Variants in PPFIA2 observed in about 807,000 individuals in gnomAD.
The protein encoded by PPFIA2 is PPFI scaffold protein A2.
In PPFIA2, 46 loss-of-function variants were observed where a neutral mutation model predicts 175.5. That is an observed-to-expected ratio of 0.26 (90% confidence interval 0.21 to 0.34). The LOEUF is 0.34. Among genes scored for constraint, PPFIA2 ranks in the 10% least tolerant of loss-of-function variants. PPFIA2 has a pLI of 1.00. For synonymous variants in PPFIA2, 568 were observed against 511.4 expected (o/e 1.11, Z -1.49); for missense variants, 1,179 against 1,506.1 (o/e 0.78, Z 3.60).
At chr12:81,412,335 C>CA (rs35342063) in intron 7 of PPFIA2, among the ~76,000 whole-genome samples, 1,673 of 95,540 alleles carry the variant, frequency 0.018, 20 homozygotes, top group East Asian at 0.02. Flanking sequence ...GTTAAGGAGG[C>CA]AAAAAAAAAA....
intron 4 of PPFIA2, among the ~76,000 whole-genome samples, chr12:81,569,371 A>C (rs2072027369): frequency 6.6e-6 from 1 of 152,178 alleles, no homozygotes. Context: ...CCCTAACAAA[A>C]AGTAATGTGC....
intron 4 of PPFIA2, among the ~76,000 whole-genome samples, chr12:81,665,952 A>T (rs1322094218): frequency 6.6e-6 from 1 of 152,226 alleles, no homozygotes; most frequent in African/African-American, 2.4e-5. Context: ...TGGGCGAAGG[A>T]TATGAACAGA....
intron 16 of PPFIA2, among the ~76,000 whole-genome samples, chr12:81,356,686 T>C (rs953018128): frequency 6.6e-6 from 1 of 151,844 alleles, no homozygotes; most frequent in Non-Finnish European, 1.5e-5. Flanking sequence ...AAAAGAAATA[T>C]TGTGAAAATT....
At chr12:81,301,499 T>A (rs2047829278) in intron 22 of PPFIA2, among the ~76,000 whole-genome samples, 1 of 152,202 alleles carries the variant, frequency 6.6e-6, no homozygotes, top group South Asian at 2.1e-4. Flanking sequence ...AACTTCTGAC[T>A]AGTTCCCTAA....
chr12:81,470,654 G>C (rs1389036326), intron 4 of PPFIA2, among the ~76,000 whole-genome samples: 1 of 152,024 alleles, frequency 6.6e-6, no homozygotes, highest in Non-Finnish European at 1.5e-5. Flanking sequence ...ATATCTAAAA[G>C]GTGGAAACAA....
intron 28 of PPFIA2, among the ~76,000 whole-genome samples, chr12:81,271,038 C>G (rs188346285): frequency 2.6e-5 from 4 of 152,222 alleles, no homozygotes; most frequent in Admixed American, 2.6e-4. Context: ...ACCTCATTTA[C>G]TAATAAGTTT....
At chr12:81,557,434 A>C (rs765921692) in intron 4 of PPFIA2, among the ~76,000 whole-genome samples, 12 of 151,956 alleles carry the variant, frequency 7.9e-5, no homozygotes, top group Admixed American at 2.6e-4. Context: ...TATCCTTTCT[A>C]TAGAGGCATC....
At chr12:81,746,113 A>C (rs1411602982) in intron 3 of PPFIA2, among the ~76,000 whole-genome samples, 1 of 144,536 alleles carries the variant, frequency 6.9e-6, no homozygotes, top group Non-Finnish European at 1.6e-5. Context: ...TCTCCAACAG[A>C]GAGAGAGGGA....
intron 4 of PPFIA2, among the ~76,000 whole-genome samples, chr12:81,558,911 C>T (rs557322295): frequency 1.2e-4 from 19 of 152,130 alleles, no homozygotes; most frequent in African/African-American, 4.8e-5. Flanking sequence ...ATTCAAAAGG[C>T]CAAAATATAG....
Position 81,655,087 on chromosome 12 carries a change from A to C in PPFIA2, c.303+21704T>G, listed in dbSNP as rs192560850. 6.0e-3 allele frequency among the ~76,000 whole-genome samples: 907 copies of C among 152,154 alleles called. 2 individuals carry two copies. The highest frequency in any genetic ancestry group is 9.2e-3 in the Non-Finnish European group (624 of 67,930). On this transcript the variant is annotated intron_variant, in intron 4 of 32. Coordinates refer to ENST00000549396, the MANE Select transcript of PPFIA2 (RefSeq NM_003625.5). ...CCATTTCATCCACAATTTTAGATTC[A>C]TCAGTATAAATTCTGTTGAAAATAT...
At chr12:81,445,470 G>A (rs903447709) in intron 6 of PPFIA2, 86 bp downstream of exon 6, 28 of 1,296,374 alleles carry the variant, frequency 2.2e-5, no homozygotes, top group Middle Eastern at 1.9e-4. Flanking sequence ...GACTTTAGGA[G>A]TCAGGTGAGT....
At chr12:81,716,571 C>T (rs922187119) in intron 3 of PPFIA2, among the ~76,000 whole-genome samples, 2 of 151,424 alleles carry the variant, frequency 1.3e-5, no homozygotes, top group East Asian at 1.9e-4. Flanking sequence ...CACACACACA[C>T]ACACAAGCAC....
chr12:81,274,512 C>T (rs2039996441), intron 28 of PPFIA2, among the ~76,000 whole-genome samples: 1 of 151,780 alleles, frequency 6.6e-6, no homozygotes, highest in South Asian at 2.1e-4. Context: ...GAACAAAATA[C>T]TTCTTTTTTT....
At chr12:81,322,885 A>G (rs575097810) in intron 22 of PPFIA2, among the ~76,000 whole-genome samples, 2 of 152,300 alleles carry the variant, frequency 1.3e-5, no homozygotes, top group South Asian at 4.1e-4. Flanking sequence ...AGAGAAATAT[A>G]AGCAAAACTA....
Position 81,277,408 on chromosome 12 carries a change from A to C in PPFIA2, c.3219T>G (p.Ser1073Arg). ...LKMVDSFHRT[S>R]LQYGIMCLKR... ...TTAAGCACATAATTCCATATTGTAA[A>C]CTTGTTCTTTTTTTTTTATTAAAAA... The change falls in exon 28 of 33, where the codon AGT becomes AGG. Residue 1073 changes from serine (S) to arginine (R), a missense_variant. Transcript: ENST00000549396. The C allele has an allele frequency of 1.3e-6, 2 of 1,500,104 alleles. No individual in the cohort carries two copies. Among genetic ancestry groups the C allele is most frequent in the South Asian group, 1.3e-5 (1 of 74,934 alleles). The allele number at this position is 1,500,104 out of a possible 1,614,324, so 92.9% of individuals were successfully genotyped here.
intron 4 of PPFIA2, among the ~76,000 whole-genome samples, chr12:81,675,904 T>C (rs1394833722): frequency 6.6e-6 from 1 of 152,042 alleles, no homozygotes; most frequent in Non-Finnish European, 1.5e-5. Flanking sequence ...TTAGCCATAC[T>C]TTAGGAGCAA....
chr12:81,562,457 G>C (rs1386144057), intron 4 of PPFIA2, among the ~76,000 whole-genome samples: 3 of 152,046 alleles, frequency 2.0e-5, no homozygotes, highest in Admixed American at 6.6e-5. Context: ...AACACTATTA[G>C]GGGAAAACAT....
intron 7 of PPFIA2, among the ~76,000 whole-genome samples, chr12:81,425,642 G>A (rs2047010487): frequency 6.6e-6 from 1 of 152,142 alleles, no homozygotes; most frequent in African/African-American, 2.4e-5. Flanking sequence ...CCAAAGTGCT[G>A]GGATTACGGG....
intron 3 of PPFIA2, among the ~76,000 whole-genome samples, chr12:81,677,778 A>G (rs2153571442): frequency 6.6e-6 from 1 of 151,984 alleles, no homozygotes; most frequent in Admixed American, 6.6e-5. Context: ...TTGAGTAATG[A>G]CTATAGTTGT....
Sources: gnomAD v4.1 joint callset for allele counts (sites outside exome capture counted in the v4.1 genomes callset) on GRCh38, gnomAD v4.1.1 for gene constraint, MANE v1.5 for transcripts, NCBI Gene and HGNC (gene_info 2026-07-23, HGNC 2026-07-21) for gene names.